Variants in NOL4L observed in about 807,000 individuals in gnomAD.
NOL4L encodes nucleolar protein 4-like.
In NOL4L, 7 loss-of-function variants were observed where a neutral mutation model predicts 64.5. That is an observed-to-expected ratio of 0.11 (90% CI 0.06 to 0.20). NOL4L has a LOEUF of 0.20. NOL4L is among the 10% of genes least tolerant of loss of function. NOL4L has a pLI of 1.00. For missense variants in NOL4L, 680 were observed against 967.1 expected, an observed-to-expected ratio of 0.70 and a Z score of 3.94; for synonymous variants, 413 against 401.0, an observed-to-expected ratio of 1.03 and a Z score of -0.36.
At chr20:32,452,543 A>T in intron 9 of NOL4L, 106 bp from the exon 10 acceptor site, 1 of 1,057,152 alleles carries the variant, frequency 9.5e-7, no homozygotes, top group East Asian at 2.6e-5. Flanking sequence ...GACTCCTGGG[A>T]CCCAATGCTG....
At chr20:32,536,383 T>A in intron 1 of NOL4L, 1 of 894,160 alleles carries the variant, frequency 1.1e-6, no homozygotes, top group Non-Finnish European at 1.3e-6. Context: ...GGGGAAGAGG[T>A]GGGGCTGGAG....
intron 1 of NOL4L, chr20:32,581,845 A>G (rs1980495435): frequency 6.6e-6 from 1 of 152,418 alleles, no homozygotes; most frequent in South Asian, 2.1e-4. Flanking sequence ...ACCGAGGACC[A>G]AACTACAGGC....
chr20:32,574,780 G>T (rs1465541273), intron 1 of NOL4L, among the ~76,000 whole-genome samples: 1 of 141,526 alleles, frequency 7.1e-6, no homozygotes, highest in Admixed American at 7.5e-5. Context: ...TGGCCCCGAG[G>T]CCTAAGTCAC....
intron 1 of NOL4L, among the ~76,000 whole-genome samples, chr20:32,572,794 C>A (rs368810633): frequency 1.3e-5 from 2 of 152,050 alleles, no homozygotes; most frequent in African/African-American, 2.4e-5. Flanking sequence ...TGGAAGCCCC[C>A]CAGCCCAGTT....
intron 4 of NOL4L, chr20:32,510,123 C>T (rs1476188678): frequency 5.1e-6 from 2 of 395,268 alleles, no homozygotes; most frequent in Non-Finnish European, 9.8e-6. Context: ...AGCCCATTTT[C>T]CCCACTGGAA....
intron 4 of NOL4L, among the ~76,000 whole-genome samples, chr20:32,496,530 TGAAG>T (rs2016693928): frequency 6.6e-6 from 1 of 151,828 alleles, no homozygotes. Context: ...GATTTTTGAG[TGAAG>T]GAAGGAAGAA....
In NOL4L at chr20:32,446,488, G is replaced by GGAGT. The variant is rs1167566067; in HGVS notation, c.*1104_*1107dup. 1.3e-5 allele frequency: 2 copies of GGAGT among 152,320 alleles called. No individual in the cohort carries two copies. Among genetic ancestry groups the GGAGT allele is most frequent in the African/African-American group, 2.4e-5 (1 of 41,466 alleles). The allele number at this position is 152,320 out of a possible 1,614,324, so 9.4% of individuals were successfully genotyped here. A position where few individuals can be genotyped will look rare whatever the true frequency, so the allele number is the denominator to read the frequency against. On this transcript the variant is annotated 3_prime_UTR_variant, in exon 11 of 11. Transcript: ENST00000621426. ...CCTGAAGAAGTGGCCCCTCTTGGCAGGAGTGAGTCTGAGGGGCCAGGCCTG... is the reference window on the plus strand; with the variant it reads ...CCTGAAGAAGTGGCCCCTCTTGGCAGGAGTGAGTGAGTCTGAGGGGCCAGGCCTG...
rs1481734971 is a variant in NOL4L at position 32,453,835 on chromosome 20, T to C, written c.1120-74A>G. ...CCCTTGCTGGGTCTCCTACAGGCGG[T>C]GAGCTTGGGGACCAGGGTGGCACGC... On this transcript the variant is annotated intron_variant, in intron 6 of 10. Coordinates refer to ENST00000621426, the MANE Select transcript of NOL4L (RefSeq NM_001256798.2). The surrounding 1 kb of genome is among the most constrained non-coding windows in gnomAD (Gnocchi z 5.6). 29 of 1,437,110 alleles carry C rather than the reference T, an allele frequency of 2.0e-5. No homozygotes were observed. Among genetic ancestry groups the C allele is most frequent in the Non-Finnish European group, 2.7e-5 (28 of 1,055,154 alleles). The allele number at this position is 1,437,110 out of a possible 1,614,324, so 89.0% of individuals were successfully genotyped here.
Position 32,485,085 on chromosome 20 carries a change from A to AAAAAAAAAAAC in NOL4L, c.700-10344_700-10343insGTTTTTTTTTT, listed in dbSNP as rs1568643237. On this transcript the variant is annotated intron_variant, in intron 4 of 10. Transcript: ENST00000621426. The stretch of plus-strand genomic sequence containing the variant: ...AAAAAAAAAAAAAAAAAAAAAAAAA[A>AAAAAAAAAAAC]AACAACTAAAAAAAAACCCTGATAA... Among the ~76,000 whole-genome samples, 6 of 144,412 alleles carry AAAAAAAAAAAC rather than the reference A, an allele frequency of 4.2e-5. No individual in the cohort carries two copies. In the East Asian group the frequency reaches 6.3e-4, roughly 15 times the overall value. 94.7% of individuals were successfully genotyped at this position (144,412 alleles called of 152,430 possible). A position where few individuals can be genotyped will look rare whatever the true frequency, so the allele number is the denominator to read the frequency against.
In NOL4L at chr20:32,548,239, C is replaced by T. The variant is rs149310336; in HGVS notation, c.322-20326G>A. 3.3e-4 allele frequency among the ~76,000 whole-genome samples: 50 copies of T among 152,236 alleles called. No homozygotes were observed. In the East Asian group the frequency reaches 9.3e-3, roughly 28 times the overall value. On this transcript the variant is annotated intron_variant, in intron 1 of 10. Coordinates refer to ENST00000621426, the MANE Select transcript of NOL4L (RefSeq NM_001256798.2). ...AAATTGCAAAGCTAGACCTCTAAGC[C>T]CCTAAACCAGACCACATCTCACTGG...
chr20:32,486,808 G>A (rs1340907375), intron 4 of NOL4L: 1 of 470,578 alleles, frequency 2.1e-6, no homozygotes, highest in Non-Finnish European at 4.4e-6. Flanking sequence ...GGCACTGGAA[G>A]ACACAGCATC....
chr20:32,489,289 T>C (rs1176038471), intron 4 of NOL4L, among the ~76,000 whole-genome samples: 1 of 152,082 alleles, frequency 6.6e-6, no homozygotes, highest in Admixed American at 6.5e-5. Context: ...ATATAAGTAA[T>C]GAAGTGGGGA....
intron 4 of NOL4L, chr20:32,485,577 T>C (rs181101848): frequency 2.0e-5 from 7 of 345,372 alleles, no homozygotes; most frequent in Non-Finnish European, 3.6e-5. Context: ...TCAAATGTGT[T>C]TTCAAACCAA....
At chr20:32,554,193 T>C (rs545254442) in intron 1 of NOL4L, among the ~76,000 whole-genome samples, 2 of 150,706 alleles carry the variant, frequency 1.3e-5, no homozygotes, top group East Asian at 1.9e-4. Flanking sequence ...TGGTGGCAGG[T>C]GCCTGTAGTC....
At chr20:32,466,459 C>T (rs886146400) in intron 5 of NOL4L, among the ~76,000 whole-genome samples, 3 of 152,218 alleles carry the variant, frequency 2.0e-5, no homozygotes, top group African/African-American at 4.8e-5. Flanking sequence ...TTGTCTGTGC[C>T]GCCTGCGGCC....
intron 1 of NOL4L, chr20:32,561,006 C>G (rs780759898): frequency 1.3e-5 from 2 of 152,332 alleles, no homozygotes; most frequent in Non-Finnish European, 2.9e-5. Flanking sequence ...AACTCCCTCC[C>G]GAGCAGAGCC....
At chr20:32,535,709 TTC>T in intron 1 of NOL4L, 1 of 985,492 alleles carries the variant, frequency 1.0e-6, no homozygotes, top group Non-Finnish European at 1.2e-6. Context: ...TGAGTCTTTT[TTC>T]TCTTTCTTTT....
Position 32,483,232 on chromosome 20 carries a change from C to A in NOL4L, c.700-8490G>T, listed in dbSNP as rs546751722. ...GGAAGCTCCCCCTGCGCCCCCCTCC[C>A]CAGAACCGCCCCCAGCCCCTCGCCC... On this transcript the variant is annotated intron_variant, in intron 4 of 10. Transcript: ENST00000621426. 1.3e-3 allele frequency: 636 copies of A among 479,704 alleles called. 3 individuals are homozygous for A. Among genetic ancestry groups the A allele is most frequent in the African/African-American group, 0.013 (617 of 47,490 alleles). 29.7% of individuals were successfully genotyped at this position (479,704 alleles called of 1,614,324 possible).
intron 5 of NOL4L, among the ~76,000 whole-genome samples, chr20:32,462,902 T>TGAAAAAAAAAAA (rs1276010880): frequency 2.5e-5 from 1 of 39,430 alleles, no homozygotes; most frequent in Non-Finnish European, 3.9e-5. Flanking sequence ...AGACTCTGTC[T>TGAAAAAAAAAAA]TAAAAAAAAA....
Sources: gnomAD v4.1 joint callset for allele counts (sites outside exome capture counted in the v4.1 genomes callset) on GRCh38, gnomAD v4.1.1 for gene constraint, Gnocchi (gnomAD v3.1) non-coding constraint, MANE v1.5 for transcripts, NCBI Gene and HGNC (gene_info 2026-07-23, HGNC 2026-07-21) for gene names.